Variants in HCN1 observed in about 807,000 individuals in gnomAD.
HCN1 encodes the protein potassium/sodium hyperpolarization-activated cyclic nucleotide-gated channel 1.
A neutral mutation model predicts 78.9 loss-of-function variants in HCN1; 13 were observed. The ratio of observed to expected loss-of-function variants is 0.16; its 90% CI spans 0.11 to 0.26. The LOEUF is 0.26. Among genes scored for constraint, HCN1 ranks in the 10% least tolerant of loss-of-function variants. The probability of loss-of-function intolerance (pLI) is 1.00; values close to 1 mark genes in which losing one functional copy is unlikely to be tolerated. For missense variants in HCN1, 810 were observed against 1,154.3 expected (o/e 0.70, Z 4.32); for synonymous variants, 552 against 455.5 (o/e 1.21, Z -2.70).
At chr5:45,555,282 C>A (rs971713048) in intron 2 of HCN1, among the ~76,000 whole-genome samples, 3 of 151,598 alleles carry the variant, frequency 2.0e-5, no homozygotes, top group Admixed American at 1.3e-4. Context: ...AAAAAGTAAT[C>A]CCATTTACAC....
intron 6 of HCN1, among the ~76,000 whole-genome samples, chr5:45,280,668 G>A (rs1235264090): frequency 6.6e-6 from 1 of 152,154 alleles, no homozygotes; most frequent in Non-Finnish European, 1.5e-5. Context: ...AATCCAAGGT[G>A]CCAAACATGC....
chr5:45,325,569 CAT>C (rs1425637368), intron 5 of HCN1, among the ~76,000 whole-genome samples: 1 of 151,716 alleles, frequency 6.6e-6, no homozygotes, highest in Admixed American at 6.6e-5. Flanking sequence ...AAAGAAAACA[CAT>C]GAGGGCAATT....
chr5:45,603,999 T>C (rs1272878426), intron 2 of HCN1, among the ~76,000 whole-genome samples: 10 of 152,058 alleles, frequency 6.6e-5, no homozygotes, highest in African/African-American at 9.7e-5. Flanking sequence ...GAGTAGATAA[T>C]ATAACACAAA....
chr5:45,329,797 G>C (rs1187224223), intron 5 of HCN1, among the ~76,000 whole-genome samples: 7 of 151,242 alleles, frequency 4.6e-5, no homozygotes, highest in Non-Finnish European at 1.0e-4. Context: ...AGCAAGAATT[G>C]GGATTGAAAT....
chr5:45,526,092 T>G (rs2111792070), intron 2 of HCN1, among the ~76,000 whole-genome samples: 1 of 152,084 alleles, frequency 6.6e-6, no homozygotes, highest in Admixed American at 6.6e-5. Context: ...CCTCCACAAC[T>G]GCAAAAAATA....
chr5:45,341,584 T>A (rs1579823729), intron 5 of HCN1, among the ~76,000 whole-genome samples: 1 of 152,122 alleles, frequency 6.6e-6, no homozygotes, highest in Non-Finnish European at 1.5e-5. Context: ...ATGGAAGTGG[T>A]CCAGTCAAAG....
At chr5:45,280,303 G>T (rs1250381275) in intron 6 of HCN1, among the ~76,000 whole-genome samples, 2 of 152,166 alleles carry the variant, frequency 1.3e-5, no homozygotes, top group Non-Finnish European at 2.9e-5. Flanking sequence ...AAGTGAGAAT[G>T]AAGGAAGACT....
intron 2 of HCN1, among the ~76,000 whole-genome samples, chr5:45,491,481 TCA>T (rs1262146995): frequency 6.6e-6 from 1 of 152,174 alleles, no homozygotes; most frequent in African/African-American, 2.4e-5. Context: ...GCTCAAGTAT[TCA>T]CACTGTCCAA....
At chr5:45,421,003 C>T (rs962532558) in intron 3 of HCN1, among the ~76,000 whole-genome samples, 23 of 152,114 alleles carry the variant, frequency 1.5e-4, no homozygotes, top group South Asian at 6.2e-4. Context: ...ATGTTCACAG[C>T]GGCATGGCTT....
At position 45,695,548 on chromosome 5, in the gene HCN1, G is replaced by C. The variant is rs1434351491; in HGVS notation, c.425+121C>G. The C allele has an allele frequency of 5.1e-6, 5 of 987,470 alleles. No homozygotes were observed. The East Asian group carries it at 1.3e-4, about 26-fold the overall frequency. 61.2% of individuals were successfully genotyped at this position (987,470 alleles called of 1,614,324 possible). A position where few individuals can be genotyped will look rare whatever the true frequency, so the allele number is the denominator to read the frequency against. On this transcript the variant is annotated intron_variant, in intron 1 of 7. Transcript: ENST00000303230. ...AGCCTGCTTAGCCCGAGCCGACGCC[G>C]CCGGCAGCGCCACCCCCCGCCCGCC...
chr5:45,262,701 C>A lies in HCN1; in HGVS notation c.1893G>T (p.Glu631Asp). 6.2e-7 allele frequency: 1 copy of A among 1,614,152 alleles called. No individual in the cohort carries two copies. The highest frequency in any genetic ancestry group is 8.5e-7 in the Non-Finnish European group (1 of 1,180,020). ...TGATGGGAGCGATTGCCTGCACCAT[C>A]TCCCTGTCATGTTTCACAATCTGCT... is the stretch of plus-strand genomic sequence containing the variant. ...ILKQIVKHDREMVQAIAPINY... is the reference protein window; with the variant it reads ...ILKQIVKHDRDMVQAIAPINY... The change falls in exon 8 of 8, where the codon GAG becomes GAT. Residue 631 changes from glutamate (E) to aspartate (D), a missense_variant. Physicochemically the swap from Glu to Asp is conservative, Grantham distance 45 (BLOSUM62 2). Transcript: ENST00000303230.
chr5:45,586,166 G>A (rs570931047), intron 2 of HCN1, among the ~76,000 whole-genome samples: 2 of 152,282 alleles, frequency 1.3e-5, no homozygotes. Flanking sequence ...CCGCAGCTGG[G>A]CTCCACCCAG....
Position 45,262,392 on chromosome 5 carries a change from C to A in HCN1, c.2202G>T (p.Pro734=), listed in dbSNP as rs1172557328. 1 of 1,611,346 alleles carries A rather than the reference C, an allele frequency of 6.2e-7. No homozygotes were observed. ...ASQLSLMQQQ[P]QQQVQQSQPP... is the part of the protein sequence containing the mutation. ...GCTGGGACTGCTGTACCTGCTGCTGCGGCTGCTGTTGCATGAGTGACAGCT... is the reference window on the plus strand; with the variant it reads ...GCTGGGACTGCTGTACCTGCTGCTGAGGCTGCTGTTGCATGAGTGACAGCT... The change falls in exon 8 of 8, where the codon CCG becomes CCT. Residue 734 remains proline, a synonymous_variant. Coordinates refer to ENST00000303230, the MANE Select transcript of HCN1 (RefSeq NM_021072.4).
At chr5:45,326,719 T>G (rs1746240119) in intron 5 of HCN1, among the ~76,000 whole-genome samples, 1 of 151,658 alleles carries the variant, frequency 6.6e-6, no homozygotes, top group South Asian at 2.1e-4. Flanking sequence ...ATGTACAAAT[T>G]AAAAGATTTT....
rs199528812 is a variant in HCN1, at chr5:45,453,902, CT to C, written c.1011+7943del. Among the ~76,000 whole-genome samples, 1,229 of 152,016 alleles carry C rather than the reference CT, an allele frequency of 8.1e-3. 9 individuals are homozygous for C. The highest frequency in any genetic ancestry group is 0.065 in the Middle Eastern group (19 of 294). On this transcript the variant is annotated intron_variant, in intron 3 of 7. Coordinates refer to ENST00000303230, the MANE Select transcript of HCN1 (RefSeq NM_021072.4). ...GGAGGAAATATTAGACAGCAAAATA[CT>C]TTTTTTTCTTCAACTTTATCAGGTG...
At chr5:45,304,481 G>A (rs886615269) in intron 5 of HCN1, among the ~76,000 whole-genome samples, 1 of 152,000 alleles carries the variant, frequency 6.6e-6, no homozygotes, top group African/African-American at 2.4e-5. Flanking sequence ...TTCAAGACCA[G>A]CCTGGTCAAG....
chr5:45,375,836 T>G (rs1392788453), intron 4 of HCN1, among the ~76,000 whole-genome samples: 2 of 120,976 alleles, frequency 1.7e-5, no homozygotes, highest in East Asian at 2.3e-4. Context: ...TGATATATCT[T>G]ATATATAATA....
intron 2 of HCN1, among the ~76,000 whole-genome samples, chr5:45,581,185 C>A (rs1365703748): frequency 6.6e-6 from 1 of 152,192 alleles, no homozygotes; most frequent in Admixed American, 6.5e-5. Context: ...TTCTCCACAT[C>A]ATCTCCAGCA....
intron 1 of HCN1, among the ~76,000 whole-genome samples, chr5:45,655,825 AGCCCACAAAG>A (rs1239781421): frequency 6.6e-6 from 1 of 152,168 alleles, no homozygotes; most frequent in African/African-American, 2.4e-5. Context: ...TTTCTGCCTT[AGCCCACAAAG>A]ATATCTCACT....
Sources: allele counts gnomAD v4.1 joint callset (sites outside exome capture counted in the v4.1 genomes callset), GRCh38; gene constraint gnomAD v4.1.1; transcripts MANE v1.5; gene names NCBI Gene and HGNC (gene_info 2026-07-23, HGNC 2026-07-21).